The following DPEP1 variants were observed in gnomAD, a reference collection of about 807,000 sequenced individuals.
The protein encoded by DPEP1 is beta-lactamase.
DPEP1 carries 50 observed loss-of-function variants against 42.3 expected under a neutral mutation model. The observed-to-expected ratio is 1.18, with a 90% CI of 0.94 to 1.50. The LOEUF (loss-of-function observed/expected upper bound fraction) is 1.50. DPEP1 is among the 40% of genes most tolerant of loss of function. The pLI, the probability that DPEP1 is intolerant of heterozygous loss-of-function variation, is 0.00. For synonymous variants in DPEP1, 297 were observed against 234.0 expected, an observed-to-expected ratio of 1.27 and a Z score of -2.46; for missense variants, 663 against 553.0, an observed-to-expected ratio of 1.20 and a Z score of -1.99.
intron 1 of DPEP1, 140 bp from the exon 2 acceptor site, chr16:89,630,165 A>G (rs1253627040): frequency 1.7e-5 from 6 of 348,764 alleles, no homozygotes; most frequent in Non-Finnish European, 2.1e-5. Flanking sequence ...AGCAACGCCC[A>G]GTCATTGAGT....
At chr16:89,640,535 C>T (rs979513510), downstream of DPEP1, 14 of 976,134 alleles carry the variant, frequency 1.4e-5, no homozygotes, top group African/African-American at 5.3e-5. Context: ...CCAGAAGGGA[C>T]GCGTCCTGAT....
At chr16:89,632,411 A>G (rs1251213055) in intron 2 of DPEP1, among the ~76,000 whole-genome samples, 2 of 152,178 alleles carry the variant, frequency 1.3e-5, no homozygotes, top group Non-Finnish European at 2.9e-5. Context: ...GGCCACCGCC[A>G]GCGACACAGG....
intron 8 of DPEP1, 29 bp downstream of exon 8, chr16:89,637,581 C>T (rs778936351): frequency 1.2e-6 from 2 of 1,612,782 alleles, no homozygotes; most frequent in East Asian, 2.2e-5. Context: ...GCCAAGGGGG[C>T]CGAAGGGGGA....
chr16:89,631,622 G>A (rs539663394), intron 2 of DPEP1, among the ~76,000 whole-genome samples: 15 of 152,308 alleles, frequency 9.8e-5, no homozygotes, highest in African/African-American at 2.2e-4. Flanking sequence ...TTGGGAGGCC[G>A]AGGCGGGCGG....
chr16:89,637,407 C>A (rs1304267829), intron 7 of DPEP1, 27 bp downstream of exon 7: 2 of 1,612,506 alleles, frequency 1.2e-6, no homozygotes. Flanking sequence ...CGACCTCCAC[C>A]CCGCCTCCCT....
intron 1 of DPEP1, among the ~76,000 whole-genome samples, chr16:89,629,007 A>C: frequency 6.6e-6 from 1 of 151,888 alleles, no homozygotes; most frequent in East Asian, 1.9e-4. Flanking sequence ...TTGTCTTTTT[A>C]ATACAGAGAG....
At chr16:89,629,050 C>A (rs2059551620) in intron 1 of DPEP1, among the ~76,000 whole-genome samples, 1 of 152,158 alleles carries the variant, frequency 6.6e-6, no homozygotes, top group African/African-American at 2.4e-5. Flanking sequence ...TTGTCTTGAA[C>A]TCCTGACCTC....
intron 2 of DPEP1, among the ~76,000 whole-genome samples, chr16:89,631,724 G>A (rs2059591452): frequency 6.6e-6 from 1 of 152,188 alleles, no homozygotes; most frequent in African/African-American, 2.4e-5. Context: ...AGGCATGGTG[G>A]CGCATGCCTG....
chr16:89,637,866 G>C lies in DPEP1; in HGVS notation c.960G>C (p.Lys320Asn), dbSNP rs1424925632. The C allele has an allele frequency of 7.4e-6, 12 of 1,612,684 alleles. No homozygotes were observed. Among genetic ancestry groups the C allele is most frequent in the Non-Finnish European group, 1.0e-5 (12 of 1,179,920 alleles). ...CTGAGGGGCTGGAGGACGTCTCCAA[G>C]TATCCAGACCTGATCGCTGAGCTGC... is the stretch of plus-strand genomic sequence containing the variant. ...RVPEGLEDVS[K>N]YPDLIAELLR... Residue 320 changes from lysine (K) to asparagine (N), a missense_variant, in exon 10 of 11, where the codon AAG (lysine) becomes AAC (asparagine). Physicochemically the swap from Lys to Asn is moderately conservative, Grantham distance 94. Coordinates refer to ENST00000690203, the MANE Select transcript of DPEP1 (RefSeq NM_001389466.1).
chr16:89,630,196 C>A (rs1009989515), intron 1 of DPEP1, 109 bp from the exon 2 acceptor site: 4 of 417,392 alleles, frequency 9.6e-6, no homozygotes, highest in Non-Finnish European at 1.3e-5. Context: ...CCATCCTACC[C>A]ACCCTGGTGG....
chr16:89,633,942 C>A (rs532227296), intron 2 of DPEP1, among the ~76,000 whole-genome samples: 2 of 152,250 alleles, frequency 1.3e-5, no homozygotes, highest in South Asian at 4.1e-4. Flanking sequence ...GGAAGGGGAA[C>A]CCTGGGCATT....
intron 2 of DPEP1, among the ~76,000 whole-genome samples, chr16:89,634,490 C>T (rs1238728519): frequency 6.6e-6 from 1 of 152,100 alleles, no homozygotes; most frequent in Non-Finnish European, 1.5e-5. Flanking sequence ...CACTCAGCCA[C>T]CAGCTCTGAC....
intron 2 of DPEP1, among the ~76,000 whole-genome samples, chr16:89,634,671 TTTC>T (rs2059640805): frequency 4.5e-5 from 1 of 22,322 alleles, no homozygotes; most frequent in Admixed American, 4.7e-4. Flanking sequence ...CTTCCTTCCC[TTTC>T]CCCTTCCTTC....
downstream of DPEP1, among the ~76,000 whole-genome samples, chr16:89,639,521 A>G (rs1283975128): frequency 1.0e-5 from 1 of 97,224 alleles, no homozygotes; most frequent in Non-Finnish European, 2.0e-5. Flanking sequence ...TCATCCTTGC[A>G]CACACACCCC....
chr16:89,624,565 C>T (rs1383495589), intron 1 of DPEP1, among the ~76,000 whole-genome samples: 2 of 151,382 alleles, frequency 1.3e-5, no homozygotes, highest in African/African-American at 4.9e-5. Context: ...GAGGGAGTCT[C>T]ACACCGTCGC....
chr16:89,616,064 C>G (rs2059376983), intron 1 of DPEP1, among the ~76,000 whole-genome samples: 1 of 150,574 alleles, frequency 6.6e-6, no homozygotes, highest in Non-Finnish European at 1.5e-5. Flanking sequence ...CAGAGCAAGA[C>G]TTCATCTCAA....
intron 2 of DPEP1, among the ~76,000 whole-genome samples, chr16:89,633,321 T>C: frequency 6.6e-6 from 1 of 152,208 alleles, no homozygotes; most frequent in East Asian, 1.9e-4. Context: ...ACGCAGGAGC[T>C]TTGGGAGAGA....
At chr16:89,638,564 G>A (rs559154174), downstream of DPEP1, 224 of 999,864 alleles carry the variant, frequency 2.2e-4, 1 homozygote, top group South Asian at 1.9e-3. Flanking sequence ...GGCTCAGGAG[G>A]TGTGAAAAGG....
intron 7 of DPEP1, 34 bp downstream of exon 7, chr16:89,637,414 C>T: frequency 1.2e-6 from 2 of 1,612,652 alleles, no homozygotes; most frequent in Non-Finnish European, 1.7e-6. Flanking sequence ...CACCCCGCCT[C>T]CCTGGGCAGG....
Sources: gnomAD v4.1 joint callset for allele counts (sites outside exome capture counted in the v4.1 genomes callset) on GRCh38, gnomAD v4.1.1 for gene constraint, MANE v1.5 for transcripts, NCBI Gene and HGNC (gene_info 2026-07-23, HGNC 2026-07-21) for gene names.